AGBL4: variants seen among roughly 807,000 people sequenced by gnomAD.
The protein encoded by AGBL4 is AGBL carboxypeptidase 4.
A neutral mutation model predicts 66.4 loss-of-function variants in AGBL4; 58 were observed. The observed-to-expected ratio is 0.87, with a 90% CI of 0.71 to 1.09. The LOEUF (loss-of-function observed/expected upper bound fraction) is 1.09, where lower values mean the gene tolerates loss of function less well. Among genes scored for constraint, AGBL4 ranks in the 50% least tolerant of loss-of-function variants. The pLI is 0.00. For missense variants in AGBL4, 579 were observed against 631.0 expected (o/e 0.92, Z 0.88); for synonymous variants, 234 against 222.9 (o/e 1.05, Z -0.44).
At chr1:48,870,260 C>T (rs1451372258) in intron 5 of AGBL4, among the ~76,000 whole-genome samples, 1 of 151,980 alleles carries the variant, frequency 6.6e-6, no homozygotes, top group African/African-American at 2.4e-5. Context: ...ACAATGAAGA[C>T]AGTATCATGT....
chr1:48,713,932 C>A (rs1647006664), intron 6 of AGBL4, among the ~76,000 whole-genome samples: 1 of 152,168 alleles, frequency 6.6e-6, no homozygotes, highest in Admixed American at 6.5e-5. Flanking sequence ...CATTTTACAG[C>A]TGAGGAAACT....
At chr1:49,441,301 G>A (rs975954657) in intron 3 of AGBL4, among the ~76,000 whole-genome samples, 1 of 152,180 alleles carries the variant, frequency 6.6e-6, no homozygotes, top group African/African-American at 2.4e-5. Flanking sequence ...GGAACATAGA[G>A]TTGGATCAGG....
chr1:49,778,255 T>A (rs1442562077), intron 2 of AGBL4, among the ~76,000 whole-genome samples: 2 of 152,060 alleles, frequency 1.3e-5, no homozygotes. Context: ...GAAGACTAGG[T>A]GCTGCCATCT....
In AGBL4 at chr1:49,601,335, C is replaced by CT. The variant is rs200345423; in HGVS notation, c.282+95977dup. ...GAGGCTTTGTTCATTTCTTTTCATT[C>CT]TTTTTTTTTTCTAATCTTATCTTCA... On this transcript the variant is annotated intron_variant, in intron 3 of 13. Coordinates refer to ENST00000371839, the MANE Select transcript of AGBL4 (RefSeq NM_032785.4). Among the ~76,000 whole-genome samples the CT allele has an allele frequency of 4.0e-3, 592 of 149,372 alleles. 2 individuals are homozygous for CT. Among genetic ancestry groups the CT allele is most frequent in the African/African-American group, 0.013 (516 of 40,786 alleles).
chr1:48,669,939 A>G (rs748339850), intron 6 of AGBL4, among the ~76,000 whole-genome samples: 5 of 152,136 alleles, frequency 3.3e-5, no homozygotes, highest in Non-Finnish European at 7.4e-5. Flanking sequence ...CAGATCTCCC[A>G]TGGCCTAAAA....
At chr1:48,661,297 G>A (rs945104420) in intron 7 of AGBL4, among the ~76,000 whole-genome samples, 1 of 152,208 alleles carries the variant, frequency 6.6e-6, no homozygotes, top group Non-Finnish European at 1.5e-5. Flanking sequence ...TGAGATGGAT[G>A]GGGCTTGCCA....
At chr1:49,622,185 C>CA (rs1257094879) in intron 3 of AGBL4, among the ~76,000 whole-genome samples, 2 of 152,058 alleles carry the variant, frequency 1.3e-5, no homozygotes, top group Non-Finnish European at 2.9e-5. Flanking sequence ...CTTAACCTAC[C>CA]ACTCCACAGT....
intron 4 of AGBL4, among the ~76,000 whole-genome samples, chr1:49,196,743 A>T (rs1284097024): frequency 6.6e-6 from 1 of 151,574 alleles, no homozygotes; most frequent in Admixed American, 6.6e-5. Context: ...GTGGGGTGAG[A>T]CTTTTTTGTC....
At chr1:49,233,011 A>C (rs1188635835) in intron 4 of AGBL4, among the ~76,000 whole-genome samples, 1 of 152,190 alleles carries the variant, frequency 6.6e-6, no homozygotes, top group Non-Finnish European at 1.5e-5. Flanking sequence ...TTAACCAATC[A>C]CTACTGATGG....
At chr1:48,546,864 A>AACACACACACAAACACACAC (rs1644170327) in intron 11 of AGBL4, among the ~76,000 whole-genome samples, 1 of 128,298 alleles carries the variant, frequency 7.8e-6, no homozygotes, top group Admixed American at 7.7e-5. Flanking sequence ...AAAACAAACA[A>AACACACACACAAACACACAC]ACACACACAC....
chr1:49,619,094 A>C (rs888612921), intron 3 of AGBL4, among the ~76,000 whole-genome samples: 1 of 152,186 alleles, frequency 6.6e-6, no homozygotes, highest in Non-Finnish European at 1.5e-5. Context: ...CTCCTATTCA[A>C]CATAGAACTG....
At chr1:48,767,712 T>C (rs1042274661) in intron 6 of AGBL4, among the ~76,000 whole-genome samples, 2 of 152,220 alleles carry the variant, frequency 1.3e-5, no homozygotes, top group African/African-American at 4.8e-5. Flanking sequence ...GCAACTACTC[T>C]AACCTTGAGG....
intron 1 of AGBL4, among the ~76,000 whole-genome samples, chr1:49,888,978 TA>T (rs1468751763): frequency 6.6e-6 from 1 of 152,228 alleles, no homozygotes; most frequent in Non-Finnish European, 1.5e-5. Context: ...ATGCTTATTT[TA>T]AAGTTGAGAA....
chr1:48,673,905 G>A (rs538153749), intron 6 of AGBL4, among the ~76,000 whole-genome samples: 2 of 152,294 alleles, frequency 1.3e-5, no homozygotes, highest in South Asian at 4.1e-4. Flanking sequence ...ATTGCATGTT[G>A]TCTGAACAAC....
chr1:49,964,292 CA>C (rs1657369566), intron 1 of AGBL4, among the ~76,000 whole-genome samples: 1 of 152,058 alleles, frequency 6.6e-6, no homozygotes, highest in Non-Finnish European at 1.5e-5. Flanking sequence ...TAATCTTAGG[CA>C]AGTTACTTAA....
At position 49,394,123 on chromosome 1, in the gene AGBL4, TA is replaced by T. The variant is rs913932915; in HGVS notation, c.283-148260del. On this transcript the variant is annotated intron_variant, in intron 3 of 13. Transcript: ENST00000371839. ...TTGGGATCAAAAGTGTCACTGACATTAAAAAAAAAAATTCTCTGAGAATTGC... is the reference window on the plus strand; with the variant it reads ...TTGGGATCAAAAGTGTCACTGACATTAAAAAAAAAATTCTCTGAGAATTGC... Among the ~76,000 whole-genome samples, 237 of 146,968 alleles carry T rather than the reference TA, an allele frequency of 1.6e-3. 1 individual carries two copies. The highest frequency in any genetic ancestry group is 6.0e-3 in the East Asian group (30 of 5,030).
chr1:49,836,301 T>A (rs1237365465), intron 2 of AGBL4, among the ~76,000 whole-genome samples: 1 of 152,214 alleles, frequency 6.6e-6, no homozygotes, highest in Non-Finnish European at 1.5e-5. Context: ...TCTAATATTG[T>A]CTTCATGGTT....
intron 3 of AGBL4, among the ~76,000 whole-genome samples, chr1:49,654,862 T>C (rs529347986): frequency 6.6e-6 from 1 of 152,310 alleles, no homozygotes; most frequent in Non-Finnish European, 1.5e-5. Flanking sequence ...ACTGATGATC[T>C]TGACTCTTTA....
intron 3 of AGBL4, among the ~76,000 whole-genome samples, chr1:49,343,726 T>A (rs1041885296): frequency 6.6e-6 from 1 of 152,204 alleles, no homozygotes; most frequent in African/African-American, 2.4e-5. Flanking sequence ...CAAATCTACT[T>A]CTGTCTGTCC....
Sources: gnomAD v4.1 joint callset for allele counts (sites outside exome capture counted in the v4.1 genomes callset) on GRCh38, gnomAD v4.1.1 for gene constraint, MANE v1.5 for transcripts, NCBI Gene and HGNC (gene_info 2026-07-23, HGNC 2026-07-21) for gene names.